The following CRB1 variants were observed in gnomAD, a reference collection of about 807,000 sequenced individuals.
The protein encoded by CRB1 is protein crumbs homolog 1.
A neutral mutation model predicts 120.0 loss-of-function variants in CRB1; 83 were observed. The observed-to-expected ratio is 0.69, with a 90% CI of 0.58 to 0.83. CRB1 has a LOEUF of 0.83. Ranked by LOEUF, CRB1 falls within the 40% of genes least tolerant of loss-of-function variation. The pLI, the probability that CRB1 is intolerant of heterozygous loss-of-function variation, is 0.00. For missense variants in CRB1, 1,699 were observed against 1,687.6 expected (o/e 1.01, Z -0.12); for synonymous variants, 625 against 612.5 (o/e 1.02, Z -0.30).
At chr1:197,410,398 A>G (rs985175425) in intron 5 of CRB1, among the ~76,000 whole-genome samples, 1 of 152,328 alleles carries the variant, frequency 6.6e-6, no homozygotes, top group South Asian at 2.1e-4. Flanking sequence ...TGACCTCCAG[A>G]AAAGTAAAAT....
chr1:197,222,212 C>T, the CRB1 span: 2 of 481,144 alleles, frequency 4.2e-6, no homozygotes, highest in South Asian at 1.8e-5. Flanking sequence ...TGCGCGGCCG[C>T]AGCGGCACCA....
upstream of CRB1, among the ~76,000 whole-genome samples, chr1:197,266,323 C>T (rs1301726767): frequency 6.6e-6 from 1 of 152,036 alleles, no homozygotes; most frequent in Non-Finnish European, 1.5e-5. Context: ...ATAGAAGGTT[C>T]CTTCTATGTG....
chr1:197,319,626 G>A (rs1374687830), intron 1 of CRB1, among the ~76,000 whole-genome samples: 6 of 151,846 alleles, frequency 4.0e-5, no homozygotes, highest in Non-Finnish European at 8.8e-5. Flanking sequence ...AAATATTTAG[G>A]ATCAGTTTAT....
chr1:197,402,991 T>C (rs1663144982), intron 5 of CRB1, among the ~76,000 whole-genome samples: 1 of 152,220 alleles, frequency 6.6e-6, no homozygotes. Context: ...TCAGTTATTG[T>C]TTTCATTTTT....
chr1:197,409,992 A>G (rs1353973440), intron 5 of CRB1, among the ~76,000 whole-genome samples: 3 of 152,056 alleles, frequency 2.0e-5, no homozygotes, highest in African/African-American at 7.2e-5. Flanking sequence ...TCACCGTGTT[A>G]GCCAGAATGA....
Position 197,442,291 on chromosome 1 carries a change from A to T in CRB1, c.4004A>T (p.Asp1335Val), listed in dbSNP as rs1344039156. Residue 1335 changes from aspartate to valine, a missense_variant and splice_region_variant, in exon 11 of 12, where the codon GAC (aspartate) becomes GTC (valine). Physicochemically the swap from Asp to Val is radical, Grantham distance 152. Coordinates refer to ENST00000367400, the MANE Select transcript of CRB1 (RefSeq NM_201253.3). The part of the protein sequence containing the change: ...VAFAGERCEV[D>V]LADDLISDIF... ...TTTGCTGGCGAGCGCTGCGAGGTGG[A>T]CGTAAGCAGCCTCTCCTTTTATGTC... The T allele has an allele frequency of 1.2e-6, 2 of 1,614,206 alleles. No individual in the cohort carries two copies. Among genetic ancestry groups the T allele is most frequent in the Non-Finnish European group, 1.7e-6 (2 of 1,180,042 alleles).
At chr1:197,296,461 T>A (rs1558036333) in intron 1 of CRB1, among the ~76,000 whole-genome samples, 2 of 152,110 alleles carry the variant, frequency 1.3e-5, no homozygotes, top group East Asian at 3.9e-4. Flanking sequence ...ATCACTGAAT[T>A]TCCTTCATAT....
chr1:197,303,554 T>C (rs562410565), intron 1 of CRB1, among the ~76,000 whole-genome samples: 1 of 152,036 alleles, frequency 6.6e-6, no homozygotes, highest in South Asian at 2.1e-4. Context: ...CATCTAGCTT[T>C]ACTCTCCCCA....
At chr1:197,411,495 C>G (rs189004499) in intron 5 of CRB1, among the ~76,000 whole-genome samples, 2 of 152,292 alleles carry the variant, frequency 1.3e-5, no homozygotes, top group African/African-American at 4.8e-5. Context: ...TTCTTCACCT[C>G]AAGTGAAAAG....
chr1:197,240,158 C>T, the CRB1 span, among the ~76,000 whole-genome samples: 1 of 151,872 alleles, frequency 6.6e-6, no homozygotes. Flanking sequence ...TTTTGCTTAC[C>T]ATGTCTTTCT....
the CRB1 span, among the ~76,000 whole-genome samples, chr1:197,258,041 T>G: frequency 6.6e-6 from 1 of 152,194 alleles, no homozygotes; most frequent in Non-Finnish European, 1.5e-5. Context: ...TTCTCTCTAT[T>G]TAAATACTTG....
intron 5 of CRB1, among the ~76,000 whole-genome samples, chr1:197,362,043 T>G (rs1052779781): frequency 6.6e-6 from 1 of 152,096 alleles, no homozygotes; most frequent in Non-Finnish European, 1.5e-5. Context: ...ACTTCCATCT[T>G]AATACTGTTC....
Position 197,427,671 on chromosome 1 carries a change from A to G in CRB1, c.2346A>G (p.Leu782=). The G allele has an allele frequency of 6.2e-7, 1 of 1,613,886 alleles. No individual in the cohort carries two copies. Among genetic ancestry groups the G allele is most frequent in the Non-Finnish European group, 8.5e-7 (1 of 1,179,880 alleles). The part of the protein sequence containing the change: ...LAMLTPNSPK[L]VVKFVLNDGN... Reference sequence around the variant, plus strand: ...TGCTGACTCCAAACTCTCCCAAATTAGTAGTAAAATTTGTTCTTAATGATG... The same window carrying G: ...TGCTGACTCCAAACTCTCCCAAATTGGTAGTAAAATTTGTTCTTAATGATG... Residue 782 remains leucine, a synonymous_variant, in exon 7 of 12, where the codon TTA becomes TTG. Coordinates refer to ENST00000367400, the MANE Select transcript of CRB1 (RefSeq NM_201253.3).
intron 11 of CRB1, among the ~76,000 whole-genome samples, chr1:197,466,746 A>G (rs560074254): frequency 6.6e-6 from 1 of 152,218 alleles, no homozygotes; most frequent in Non-Finnish European, 1.5e-5. Context: ...GGGATCCTGC[A>G]TTATTTTTTC....
At chr1:197,353,232 G>T (rs1185216211) in intron 4 of CRB1, among the ~76,000 whole-genome samples, 1 of 152,160 alleles carries the variant, frequency 6.6e-6, no homozygotes, top group African/African-American at 2.4e-5. Flanking sequence ...TGAAAATTGA[G>T]TAAGAGTTAG....
At chr1:197,254,876 T>C in the CRB1 span, among the ~76,000 whole-genome samples, 3 of 152,126 alleles carry the variant, frequency 2.0e-5, no homozygotes, top group Non-Finnish European at 4.4e-5. Context: ...AACACATATA[T>C]GCACATTTTT....
chr1:197,414,040 G>A (rs1215450565), intron 5 of CRB1: 2 of 428,032 alleles, frequency 4.7e-6, no homozygotes, highest in East Asian at 7.2e-5. Context: ...TTTGCAACAT[G>A]CTTAGTGTTT....
intron 8 of CRB1, among the ~76,000 whole-genome samples, chr1:197,429,944 T>A (rs1428812874): frequency 6.6e-6 from 1 of 152,224 alleles, no homozygotes. Context: ...ATGTTACGCA[T>A]TGCCATTTAT....
At position 197,375,888 on chromosome 1, in the gene CRB1, C is replaced by A. The variant is rs189635815; in HGVS notation, c.1171+18875C>A. On this transcript the variant is annotated intron_variant, in intron 5 of 11. Coordinates refer to ENST00000367400, the MANE Select transcript of CRB1 (RefSeq NM_201253.3). ...ACCCTCCTCTAAAGAGATGTGTATA[C>A]TTACTCTCTACTTTTTCACTTCCCG... Among the ~76,000 whole-genome samples, 652 of 152,200 alleles carry A rather than the reference C, an allele frequency of 4.3e-3. 7 individuals are homozygous for A. The highest frequency in any genetic ancestry group is 0.015 in the African/African-American group (624 of 41,530).
Sources: allele counts gnomAD v4.1 joint callset (sites outside exome capture counted in the v4.1 genomes callset), GRCh38; gene constraint gnomAD v4.1.1; transcripts MANE v1.5; gene names NCBI Gene and HGNC (gene_info 2026-07-23, HGNC 2026-07-21).